The following ACSL4 variants were observed in gnomAD, a reference collection of about 807,000 sequenced individuals.
ACSL4 encodes acyl-CoA synthetase long chain family member 4.
Under a neutral mutation model 49.1 loss-of-function variants are expected in ACSL4, and 9 were observed. The observed-to-expected ratio is 0.18, with a 90% confidence interval of 0.11 to 0.32. The LOEUF (loss-of-function observed/expected upper bound fraction) is 0.32, where lower values mean the gene tolerates loss of function less well. Ranked by LOEUF, ACSL4 falls within the 10% of genes least tolerant of loss-of-function variation. The pLI is 1.00. For missense variants in ACSL4, 333 were observed against 493.7 expected, an observed-to-expected ratio of 0.67 and a Z score of 3.08; for synonymous variants, 191 against 170.3, an observed-to-expected ratio of 1.12 and a Z score of -0.95.
chrX:109,654,909 G>A (rs896230338), intron 15 of ACSL4, among the ~76,000 whole-genome samples: 20 of 111,839 alleles, frequency 1.8e-4, no homozygotes, highest in Non-Finnish European at 3.6e-4. Context: ...AACAGAAGGA[G>A]GGAGTAAGGC....
At chrX:109,727,303 C>T (rs1159971582) in intron 1 of ACSL4, among the ~76,000 whole-genome samples, 2 of 111,461 alleles carry the variant, frequency 1.8e-5, no homozygotes, top group Non-Finnish European at 3.8e-5. Context: ...TTGATAGGCT[C>T]TTACTACTAT....
chrX:109,646,458 G>C (rs1455905069), intron 15 of ACSL4, among the ~76,000 whole-genome samples: 1 of 109,443 alleles, frequency 9.1e-6, no homozygotes, highest in Non-Finnish European at 1.9e-5. Context: ...ATACTTTACA[G>C]ACAAGCAAAT....
chrX:109,668,575 CTATCT>C (rs1433912370), intron 10 of ACSL4, among the ~76,000 whole-genome samples: 3 of 111,744 alleles, frequency 2.7e-5, no homozygotes, highest in Admixed American at 9.4e-5. Flanking sequence ...ATTTAATCAC[CTATCT>C]TATCTCACTT....
chrX:109,700,069 G>A (rs1315527032), intron 1 of ACSL4, among the ~76,000 whole-genome samples: 2 of 108,654 alleles, frequency 1.8e-5, no homozygotes, highest in Admixed American at 9.9e-5. Flanking sequence ...TTAGCCAGGC[G>A]TGGTGGTGGA....
intron 15 of ACSL4, among the ~76,000 whole-genome samples, chrX:109,658,073 G>T (rs996018839): frequency 2.9e-4 from 32 of 111,144 alleles, no homozygotes; most frequent in Admixed American, 1.8e-3. Context: ...TTGTCAAAAC[G>T]TGTTTCAAAC....
intron 1 of ACSL4, among the ~76,000 whole-genome samples, chrX:109,726,497 TTACTG>T (rs763713243): frequency 8.4e-4 from 94 of 111,688 alleles, no homozygotes; most frequent in African/African-American, 2.9e-3. Context: ...GTAAAAAAAT[TTACTG>T]TACTGGTAGG....
chrX:109,656,055 G>A (rs1037497044), intron 15 of ACSL4, among the ~76,000 whole-genome samples: 1 of 110,821 alleles, frequency 9.0e-6, no homozygotes, highest in Non-Finnish European at 1.9e-5. Flanking sequence ...ACAGATATGA[G>A]ATCCAGGAAA....
In ACSL4 at chrX:109,725,665, G is replaced by A. The variant is rs1244827004; in HGVS notation, c.-66+7474C>T. ...GTAGTCAGGAGAATGGCGTGAACCC[G>A]GGAGGTGGAGCTTACAGTGAGCCGA... On this transcript the variant is annotated intron_variant, in intron 1 of 15. Coordinates refer to ENST00000672401, the MANE Select transcript of ACSL4 (RefSeq NM_001318510.2). Among the ~76,000 whole-genome samples the A allele has an allele frequency of 3.6e-5, 4 of 110,430 alleles. No homozygotes were observed. In the East Asian group the frequency reaches 1.1e-3, roughly 31 times the overall value.
intron 8 of ACSL4, among the ~76,000 whole-genome samples, chrX:109,676,929 A>C (rs1173401844): frequency 2.7e-5 from 3 of 111,882 alleles, no homozygotes; most frequent in African/African-American, 9.7e-5. Context: ...AAATGTGGCT[A>C]AAGCAAATAA....
intron 2 of ACSL4, chrX:109,685,409 ATT>A (rs1325753114): frequency 1.8e-5 from 2 of 110,975 alleles, no homozygotes; most frequent in Non-Finnish European, 3.8e-5. Context: ...GAATAGGAAC[ATT>A]TTTTAAGGAG....
chrX:109,680,093 T>C (rs1432156532), intron 6 of ACSL4, among the ~76,000 whole-genome samples: 1 of 111,944 alleles, frequency 8.9e-6, no homozygotes, highest in Non-Finnish European at 1.9e-5. Context: ...ATTCAGGCTC[T>C]TTAAGCTCAG....
intron 2 of ACSL4, among the ~76,000 whole-genome samples, chrX:109,689,614 G>A (rs1694225727): frequency 8.9e-6 from 1 of 112,021 alleles, no homozygotes; most frequent in South Asian, 3.6e-4. Context: ...TGCCTGGAAT[G>A]TTCTTCCAAG....
chrX:109,682,692 C>A lies in ACSL4; in HGVS notation c.406+27G>T, dbSNP rs111652468. 3,957 of 1,206,154 alleles carry A rather than the reference C, an allele frequency of 3.3e-3. 83 individuals carry two copies. The African/African-American group carries it at 0.06, about 18-fold the overall frequency. Reference sequence around the variant, plus strand: ...ACATGCAAGCAAAGACCCTCCTCTCCCCCCTCCAAAAACACAAGGCACTTA... The same window carrying A: ...ACATGCAAGCAAAGACCCTCCTCTCACCCCTCCAAAAACACAAGGCACTTA... On this transcript the variant is annotated intron_variant, in intron 4 of 15. Transcript: ENST00000672401.
chrX:109,662,309 C>A (rs1383333750), intron 13 of ACSL4, among the ~76,000 whole-genome samples: 1 of 110,998 alleles, frequency 9.0e-6, no homozygotes, highest in Non-Finnish European at 1.9e-5. Flanking sequence ...ACCTTTGATT[C>A]CAGTGCAATT....
intron 14 of ACSL4, among the ~76,000 whole-genome samples, chrX:109,661,201 A>C (rs1258598816): frequency 8.9e-6 from 1 of 112,239 alleles, no homozygotes; most frequent in Non-Finnish European, 1.9e-5. Flanking sequence ...ACTTGGGTTC[A>C]AAATTCATCT....
chrX:109,644,849 G>T (rs1034303728), intron 15 of ACSL4, among the ~76,000 whole-genome samples: 1 of 113,179 alleles, frequency 8.8e-6, no homozygotes, highest in East Asian at 2.8e-4. Flanking sequence ...GAAGCAGGGC[G>T]AGGCATTGCC....
intron 2 of ACSL4, among the ~76,000 whole-genome samples, chrX:109,693,940 G>C (rs1925232962): frequency 8.9e-6 from 1 of 111,843 alleles, no homozygotes; most frequent in Non-Finnish European, 1.9e-5. Flanking sequence ...GCATCTATGA[G>C]AGAGAAAACA....
rs765824415 is a variant in ACSL4 at position 109,675,834 on chromosome X, T to C, written c.931-1361A>G. ...AGAGTTTAAGCCTTAGTCTTATTGA[T>C]AGGTCTACTTTGATTTCACCAGGTC... On this transcript the variant is annotated intron_variant, in intron 8 of 15. Coordinates refer to ENST00000672401, the MANE Select transcript of ACSL4 (RefSeq NM_001318510.2). Among the ~76,000 whole-genome samples the C allele has an allele frequency of 2.7e-5, 3 of 112,547 alleles. No homozygotes were observed. In the East Asian group the frequency reaches 8.3e-4, roughly 31 times the overall value.
intron 1 of ACSL4, among the ~76,000 whole-genome samples, chrX:109,705,977 G>A (rs191842849): frequency 1.2e-4 from 13 of 112,970 alleles, no homozygotes; most frequent in Non-Finnish European, 2.1e-4. Context: ...GATTACAGGC[G>A]TAAGCCATGG....
Sources: gnomAD v4.1 joint callset for allele counts (sites outside exome capture counted in the v4.1 genomes callset) on GRCh38, gnomAD v4.1.1 for gene constraint, MANE v1.5 for transcripts, NCBI Gene and HGNC (gene_info 2026-07-23, HGNC 2026-07-21) for gene names.